Variants in PLB1 observed in about 807,000 individuals in gnomAD.
PLB1 encodes phospholipase B1.
Under a neutral mutation model 227.4 loss-of-function variants are expected in PLB1, and 242 were observed. The ratio of observed to expected loss-of-function variants is 1.06; its 90% CI spans 0.96 to 1.18. The LOEUF (loss-of-function observed/expected upper bound fraction) is 1.18, where lower values mean the gene tolerates loss of function less well. PLB1 is among the 50% of genes most tolerant of loss of function. The pLI is 0.00. For missense variants in PLB1, 1,858 were observed against 1,816.3 expected (o/e 1.02, Z -0.42); for synonymous variants, 757 against 682.2 (o/e 1.11, Z -1.71).
At chr2:28,522,061 TCTC>T (rs1473341580) in intron 4 of PLB1, among the ~76,000 whole-genome samples, 2 of 152,006 alleles carry the variant, frequency 1.3e-5, no homozygotes, top group Admixed American at 6.6e-5. Context: ...TCTTCTACCT[TCTC>T]CTCATCTCAA....
intron 8 of PLB1, 140 bp downstream of exon 8, chr2:28,529,919 C>G (rs1392483088): frequency 3.0e-6 from 2 of 661,764 alleles, no homozygotes; most frequent in Non-Finnish European, 5.2e-6. Context: ...AAAAATGTCT[C>G]TGCCATTCTC....
At chr2:28,552,269 A>C (rs1674376408) in intron 16 of PLB1, among the ~76,000 whole-genome samples, 1 of 152,168 alleles carries the variant, frequency 6.6e-6, no homozygotes, top group Non-Finnish European at 1.5e-5. Context: ...TGGGAGGGTG[A>C]GCAAATAGAA....
At chr2:28,500,175 G>A (rs72860564) in intron 1 of PLB1, among the ~76,000 whole-genome samples, 5,936 of 152,248 alleles carry the variant, frequency 0.039, 374 homozygotes, top group African/African-American at 0.14. Flanking sequence ...GAGACCACAC[G>A]TTGCATTTAT....
intron 20 of PLB1, 87 bp downstream of exon 20, chr2:28,566,926 GAGGAGCCCCGGCTGC>G (rs1475025338): frequency 8.0e-6 from 12 of 1,495,086 alleles, no homozygotes; most frequent in East Asian, 4.5e-5. Flanking sequence ...CGGGCCTCGG[GAGGAGCCCCGGCTGC>G]AGGAGCCCGC....
rs752789133 is a variant in PLB1, at chr2:28,628,546, C to T, written c.3661-17C>T. On this transcript the variant is annotated splice_polypyrimidine_tract_variant and intron_variant, in intron 51 of 57. Coordinates refer to ENST00000327757, the MANE Select transcript of PLB1 (RefSeq NM_153021.5). ...CGGGCACCAGGGGCTAAAGAGAGTA[C>T]CCTTTTTTCCTTACAGGAGGCCCAC... is the stretch of plus-strand genomic sequence containing the variant. The T allele has an allele frequency of 3.1e-6, 5 of 1,613,198 alleles. No individual in the cohort carries two copies. The highest frequency in any genetic ancestry group is 1.6e-4 in the Middle Eastern group (1 of 6,082).
intron 37 of PLB1, 64 bp downstream of exon 37, chr2:28,601,396 C>A: frequency 7.2e-7 from 1 of 1,397,618 alleles, no homozygotes; most frequent in Non-Finnish European, 1.0e-6. Flanking sequence ...CGTTGGAGAT[C>A]TTCCCTGAGA....
intron 44 of PLB1, among the ~76,000 whole-genome samples, chr2:28,616,247 A>G (rs1012706868): frequency 1.3e-5 from 2 of 152,254 alleles, no homozygotes; most frequent in African/African-American, 2.4e-5. Context: ...CAACACAAAG[A>G]AATGGTAAAT....
chr2:28,592,987 A>G (rs1385707454), intron 32 of PLB1, among the ~76,000 whole-genome samples: 1 of 152,246 alleles, frequency 6.6e-6, no homozygotes, highest in Non-Finnish European at 1.5e-5. Context: ...ATATGTAAAA[A>G]TATGTCATTC....
chr2:28,542,580 G>A (rs1038637696), intron 13 of PLB1, among the ~76,000 whole-genome samples: 1 of 152,118 alleles, frequency 6.6e-6, no homozygotes, highest in African/African-American at 2.4e-5. Flanking sequence ...TGGTTATTCC[G>A]AAGAGAATCT....
intron 33 of PLB1, among the ~76,000 whole-genome samples, chr2:28,596,483 G>A (rs1056038799): frequency 1.3e-5 from 2 of 152,222 alleles, no homozygotes; most frequent in African/African-American, 2.4e-5. Context: ...ACAGTAGGAA[G>A]TACTTGATGC....
At chr2:28,535,208 C>G (rs1419146751) in intron 9 of PLB1, among the ~76,000 whole-genome samples, 4 of 152,224 alleles carry the variant, frequency 2.6e-5, no homozygotes, top group African/African-American at 9.7e-5. Context: ...CATTTTTAAA[C>G]AGCTGTAAAC....
intron 13 of PLB1, among the ~76,000 whole-genome samples, chr2:28,542,119 C>T (rs578035388): frequency 1.4e-3 from 182 of 133,152 alleles, no homozygotes; most frequent in African/African-American, 4.8e-3. Flanking sequence ...GGCAGTAGAA[C>T]GAGACTCAGT....
intron 43 of PLB1, among the ~76,000 whole-genome samples, chr2:28,609,482 T>C (rs1467732630): frequency 6.6e-6 from 1 of 152,084 alleles, no homozygotes. Context: ...TATCATACCC[T>C]ATCTTTTCTT....
At chr2:28,575,606 T>C (rs1678791408) in intron 21 of PLB1, among the ~76,000 whole-genome samples, 1 of 152,220 alleles carries the variant, frequency 6.6e-6, no homozygotes, top group African/African-American at 2.4e-5. Context: ...AGTCTCACTC[T>C]GTTGCCCAGG....
chr2:28,642,723 C>T lies in PLB1; in HGVS notation c.4174-135C>T, dbSNP rs73924344. 885 of 782,654 alleles carry T rather than the reference C, an allele frequency of 1.1e-3. 6 individuals are homozygous for T. The African/African-American group carries it at 0.014, about 12-fold the overall frequency. The allele number at this position is 782,654 out of a possible 1,614,324, so 48.5% of individuals were successfully genotyped here. On this transcript the variant is annotated intron_variant, in intron 57 of 57. Transcript: ENST00000327757. Reference sequence around the variant, plus strand: ...TTTGGGCACAGCCTAAATGAGGGAGCTTTACAAAAGGGAAGCTCTGTGAAA... The same window carrying T: ...TTTGGGCACAGCCTAAATGAGGGAGTTTTACAAAAGGGAAGCTCTGTGAAA...
intron 43 of PLB1, among the ~76,000 whole-genome samples, chr2:28,606,977 G>A (rs1376452913): frequency 1.1e-4 from 16 of 152,156 alleles, no homozygotes; most frequent in Admixed American, 9.8e-4. Context: ...AGCTGTGGTT[G>A]GAGAGAGGAG....
intron 56 of PLB1, among the ~76,000 whole-genome samples, chr2:28,636,411 T>C (rs1689366310): frequency 6.6e-6 from 1 of 152,142 alleles, no homozygotes; most frequent in African/African-American, 2.4e-5. Context: ...CTTTGGAAAA[T>C]TCTTTGGTAT....
At chr2:28,547,208 A>AAAG (rs1673414465) in intron 14 of PLB1, among the ~76,000 whole-genome samples, 6 of 51,224 alleles carry the variant, frequency 1.2e-4, no homozygotes, top group East Asian at 2.9e-3. Context: ...TCTCCAAAAA[A>AAAG]AAAAAAAAGA....
intron 14 of PLB1, among the ~76,000 whole-genome samples, chr2:28,547,579 A>G (rs1253743195): frequency 1.3e-5 from 2 of 152,196 alleles, no homozygotes; most frequent in East Asian, 1.9e-4. Context: ...GAAAATCCTC[A>G]TGGAGGTTGG....
Sources: gnomAD v4.1 joint callset for allele counts (sites outside exome capture counted in the v4.1 genomes callset) on GRCh38, gnomAD v4.1.1 for gene constraint, MANE v1.5 for transcripts, NCBI Gene and HGNC (gene_info 2026-07-23, HGNC 2026-07-21) for gene names.